Variants in ZNF654 observed in about 807,000 individuals in gnomAD.
The protein encoded by ZNF654 is zinc finger protein 654.
In ZNF654, 19 loss-of-function variants were observed where a neutral mutation model predicts 95.3. The observed-to-expected ratio is 0.20, with a 90% CI of 0.14 to 0.29. ZNF654 has a LOEUF of 0.29. Ranked by LOEUF, ZNF654 falls within the 10% of genes least tolerant of loss-of-function variation. ZNF654 has a pLI of 1.00. For synonymous variants in ZNF654, 413 were observed against 457.9 expected (o/e 0.90, Z 1.25); for missense variants, 1,046 against 1,341.0 (o/e 0.78, Z 3.44).
intron 2 of ZNF654, 142 bp from the exon 3 acceptor site, chr3:88,112,973 G>A (rs1705185865): frequency 1.8e-6 from 1 of 544,340 alleles, no homozygotes; most frequent in Non-Finnish European, 3.2e-6. Context: ...AACATAATAT[G>A]AATTCTAGTG....
At chr3:88,100,606 T>C (rs1198780310) in intron 2 of ZNF654, among the ~76,000 whole-genome samples, 1 of 152,194 alleles carries the variant, frequency 6.6e-6, no homozygotes, top group Non-Finnish European at 1.5e-5. Context: ...GTGGCACATA[T>C]ACACCATGGA....
chr3:88,109,154 TG>T, intron 2 of ZNF654, among the ~76,000 whole-genome samples: 1 of 150,228 alleles, frequency 6.7e-6, no homozygotes, highest in African/African-American at 2.4e-5. Flanking sequence ...TGTGTGTGTG[TG>T]TGTGTGTGTG....
At chr3:88,108,418 G>A (rs1187751895) in intron 2 of ZNF654, among the ~76,000 whole-genome samples, 1 of 152,078 alleles carries the variant, frequency 6.6e-6, no homozygotes, top group African/African-American at 2.4e-5. Context: ...GTTTTCTTTA[G>A]TTTTGTCTGT....
chr3:88,127,155 A>G (rs1435285584), intron 4 of ZNF654, among the ~76,000 whole-genome samples: 1 of 152,192 alleles, frequency 6.6e-6, no homozygotes, highest in African/African-American at 2.4e-5. Context: ...TAGTTATGAG[A>G]CAGCCAAGGG....
intron 1 of ZNF654, among the ~76,000 whole-genome samples, chr3:88,066,932 G>C (rs1289185575): frequency 6.6e-6 from 1 of 152,230 alleles, no homozygotes; most frequent in Non-Finnish European, 1.5e-5. Flanking sequence ...TAATGTTAAA[G>C]ATATTAGGAG....
At chr3:88,134,494 A>C (rs1396933646) in intron 6 of ZNF654, among the ~76,000 whole-genome samples, 2 of 152,192 alleles carry the variant, frequency 1.3e-5, no homozygotes, top group Non-Finnish European at 2.9e-5. Context: ...ATCAAATAAC[A>C]GTGGTCATAT....
At chr3:88,115,925 C>G (rs532056995) in intron 3 of ZNF654, among the ~76,000 whole-genome samples, 1 of 152,188 alleles carries the variant, frequency 6.6e-6, no homozygotes, top group South Asian at 2.1e-4. Flanking sequence ...GTCAGTTGCT[C>G]AGGGATGAAG....
chr3:88,105,844 G>A (rs1292693334), intron 2 of ZNF654, among the ~76,000 whole-genome samples: 2 of 152,140 alleles, frequency 1.3e-5, no homozygotes, highest in East Asian at 3.9e-4. Flanking sequence ...AATTTAATTG[G>A]AATTGTAACA....
chr3:88,136,276 A>C (rs1706779179), intron 7 of ZNF654, among the ~76,000 whole-genome samples: 1 of 152,232 alleles, frequency 6.6e-6, no homozygotes, highest in South Asian at 2.1e-4. Flanking sequence ...AGGTTTTGCC[A>C]GTCATCACAG....
At chr3:88,071,872 A>C (rs1707535022) in intron 1 of ZNF654, among the ~76,000 whole-genome samples, 1 of 152,226 alleles carries the variant, frequency 6.6e-6, no homozygotes, top group Admixed American at 6.5e-5. Flanking sequence ...TGTACTTTTA[A>C]GACTTTTTAT....
At chr3:88,131,735 T>TTTAGAA (rs1194635517) in intron 6 of ZNF654, among the ~76,000 whole-genome samples, 11 of 152,294 alleles carry the variant, frequency 7.2e-5, no homozygotes, top group Middle Eastern at 3.4e-3. Flanking sequence ...GCGTGGGTTA[T>TTTAGAA]GATGGCCTAC....
chr3:88,103,043 G>A (rs1277198873), intron 2 of ZNF654, among the ~76,000 whole-genome samples: 1 of 151,920 alleles, frequency 6.6e-6, no homozygotes, highest in Non-Finnish European at 1.5e-5. Flanking sequence ...AGTATGAAAT[G>A]TTTAGCTCCC....
At chr3:88,065,019 GATA>G (rs1182627839) in intron 1 of ZNF654, among the ~76,000 whole-genome samples, 5 of 152,166 alleles carry the variant, frequency 3.3e-5, no homozygotes, top group African/African-American at 4.8e-5. Flanking sequence ...TAATTGCATT[GATA>G]ATAATTTTTA....
chr3:88,142,249 C>T lies in ZNF654; in HGVS notation c.*597C>T, dbSNP rs1277758910. Reference sequence around the variant, plus strand: ...CAGGTTTCCAGATGATTAATTAGGTCAAAGTTCAATGAATGGCACGCCAGC... The same window carrying T: ...CAGGTTTCCAGATGATTAATTAGGTTAAAGTTCAATGAATGGCACGCCAGC... On this transcript the variant is annotated 3_prime_UTR_variant, in exon 9 of 9. Coordinates refer to ENST00000636215, the MANE Select transcript of ZNF654 (RefSeq NM_001350134.2). 1.4e-5 allele frequency: 2 copies of T among 147,290 alleles called. No homozygotes were observed. Among genetic ancestry groups the T allele is most frequent in the South Asian group, 4.4e-4 (2 of 4,534 alleles). 9.1% of individuals were successfully genotyped at this position (147,290 alleles called of 1,614,324 possible). A position where few individuals can be genotyped will look rare whatever the true frequency, so the allele number is the denominator to read the frequency against.
intron 1 of ZNF654, among the ~76,000 whole-genome samples, chr3:88,068,827 G>A (rs982567063): frequency 1.3e-5 from 2 of 152,094 alleles, no homozygotes; most frequent in Admixed American, 6.5e-5. Flanking sequence ...CCTGTACCTA[G>A]TATGTGATAA....
intron 2 of ZNF654, among the ~76,000 whole-genome samples, chr3:88,109,075 G>C (rs150586785): frequency 6.6e-6 from 1 of 151,568 alleles, no homozygotes; most frequent in Non-Finnish European, 1.5e-5. Flanking sequence ...GGTGCTATCC[G>C]TGGTTTCAAG....
intron 3 of ZNF654, among the ~76,000 whole-genome samples, chr3:88,118,456 T>A (rs1177559274): frequency 6.6e-6 from 1 of 152,124 alleles, no homozygotes; most frequent in African/African-American, 2.4e-5. Flanking sequence ...CAAGTGTTGA[T>A]CTCCCCTAAG....
At chr3:88,073,161 T>C (rs1707612710) in intron 1 of ZNF654, among the ~76,000 whole-genome samples, 1 of 152,160 alleles carries the variant, frequency 6.6e-6, no homozygotes, top group African/African-American at 2.4e-5. Flanking sequence ...ACCTGCAAAC[T>C]ATTAGCAGTA....
rs564001744 is a variant in ZNF654 at position 88,104,787 on chromosome 3, T to G, written c.333-8328T>G. Among the ~76,000 whole-genome samples the G allele has an allele frequency of 6.6e-5, 10 of 152,260 alleles. No homozygotes were observed. The South Asian group carries it at 2.1e-3, about 32-fold the overall frequency. ...AGAAGAGGTCAAACAGAACAATGAATAGACAGAACAAACAAAACTATTAAG... is the reference window on the plus strand; with the variant it reads ...AGAAGAGGTCAAACAGAACAATGAAGAGACAGAACAAACAAAACTATTAAG... On this transcript the variant is annotated intron_variant, in intron 2 of 8. Coordinates refer to ENST00000636215, the MANE Select transcript of ZNF654 (RefSeq NM_001350134.2).
Sources: gnomAD v4.1 joint callset for allele counts (sites outside exome capture counted in the v4.1 genomes callset) on GRCh38, gnomAD v4.1.1 for gene constraint, MANE v1.5 for transcripts, NCBI Gene and HGNC (gene_info 2026-07-23, HGNC 2026-07-21) for gene names.